Variants in IL1RAPL2 observed in about 807,000 individuals in gnomAD.
IL1RAPL2 encodes interleukin 1 receptor accessory protein like 2.
IL1RAPL2 carries 3 observed loss-of-function variants against 44.1 expected under a neutral mutation model. That is an observed-to-expected ratio of 0.07 (90% confidence interval 0.03 to 0.18). The LOEUF is 0.18. IL1RAPL2 is among the 10% of genes least tolerant of loss of function. IL1RAPL2 has a pLI of 1.00. For missense variants in IL1RAPL2, 391 were observed against 496.4 expected, an observed-to-expected ratio of 0.79 and a Z score of 2.02; for synonymous variants, 181 against 178.8, an observed-to-expected ratio of 1.01 and a Z score of -0.10.
chrX:104,848,848 C>T (rs1922139238), intron 2 of IL1RAPL2, among the ~76,000 whole-genome samples: 1 of 109,758 alleles, frequency 9.1e-6, no homozygotes, highest in Non-Finnish European at 1.9e-5. Context: ...TTTAAGTATT[C>T]AAGAACAAAC....
chrX:105,205,758 T>C (rs2033758542), intron 3 of IL1RAPL2, among the ~76,000 whole-genome samples: 1 of 106,889 alleles, frequency 9.4e-6, no homozygotes, highest in South Asian at 4.3e-4. Context: ...AAAGTTGATT[T>C]TTAAATTAGT....
chrX:104,761,917 C>CTT (rs1932453439), intron 2 of IL1RAPL2, among the ~76,000 whole-genome samples: 1 of 30,836 alleles, frequency 3.2e-5, no homozygotes, highest in Non-Finnish European at 5.1e-5. Flanking sequence ...TTCTCCTTCT[C>CTT]CTTCTCCTTC....
intron 8 of IL1RAPL2, among the ~76,000 whole-genome samples, chrX:105,747,863 T>C (rs1233179949): frequency 9.0e-6 from 1 of 110,804 alleles, no homozygotes; most frequent in Non-Finnish European, 1.9e-5. Context: ...TCCAGTTACA[T>C]GGTAAGCTGA....
intron 2 of IL1RAPL2, among the ~76,000 whole-genome samples, chrX:104,761,754 G>A (rs1434294854): frequency 1.8e-5 from 2 of 110,173 alleles, no homozygotes; most frequent in Non-Finnish European, 3.8e-5. Context: ...AAAATGAAAG[G>A]GGCTATAGGC....
At chrX:105,327,510 A>C (rs757784844) in intron 5 of IL1RAPL2, among the ~76,000 whole-genome samples, 6 of 111,816 alleles carry the variant, frequency 5.4e-5, no homozygotes, top group Non-Finnish European at 1.9e-5. Context: ...TTTCTAGAGG[A>C]AGTAGCCAAG....
intron 2 of IL1RAPL2, among the ~76,000 whole-genome samples, chrX:105,101,708 T>C (rs1470257868): frequency 9.0e-6 from 1 of 111,654 alleles, no homozygotes; most frequent in Non-Finnish European, 1.9e-5. Context: ...TCTGTAGGAA[T>C]GGTGTATCCC....
intron 2 of IL1RAPL2, among the ~76,000 whole-genome samples, chrX:105,137,687 A>G (rs1223239816): frequency 8.9e-6 from 1 of 112,209 alleles, no homozygotes; most frequent in African/African-American, 3.2e-5. Context: ...GTTTTTAACT[A>G]AAGACACCTA....
intron 2 of IL1RAPL2, among the ~76,000 whole-genome samples, chrX:105,194,136 T>C (rs1387365477): frequency 8.9e-6 from 1 of 112,353 alleles, no homozygotes; most frequent in East Asian, 2.8e-4. Flanking sequence ...TGGGTGTCCT[T>C]GAACCCTAGT....
At chrX:104,622,405 A>C (rs1307763709) in intron 1 of IL1RAPL2, among the ~76,000 whole-genome samples, 1 of 111,314 alleles carries the variant, frequency 9.0e-6, no homozygotes, top group African/African-American at 3.3e-5. Flanking sequence ...ATGTGGTTGT[A>C]AATGACTGTC....
chrX:105,512,348 T>C (rs2036476609), intron 6 of IL1RAPL2, among the ~76,000 whole-genome samples: 1 of 111,316 alleles, frequency 9.0e-6, no homozygotes, highest in African/African-American at 3.3e-5. Context: ...GGTGTTTTCC[T>C]GTAGATAGGA....
chrX:105,749,003 C>A lies in IL1RAPL2; in HGVS notation c.1092C>A (p.Ile364=), dbSNP rs988265612. Reference sequence around the variant, plus strand: ...AGCTTGCAGGGGGCCTGGGAGCAATCTTCCTCCTCCTTGTACTGCTGGTGG... The same window carrying A: ...AGCTTGCAGGGGGCCTGGGAGCAATATTCCTCCTCCTTGTACTGCTGGTGG... ...KIELAGGLGA[I]FLLLVLLVVI... Residue 364 remains isoleucine (I), a synonymous_variant, in exon 9 of 11, where the codon ATC becomes ATA. Transcript: ENST00000372582. 3 of 1,206,664 alleles carry A rather than the reference C, an allele frequency of 2.5e-6. No individual in the cohort carries two copies. The highest frequency in any genetic ancestry group is 2.2e-6 in the Non-Finnish European group (2 of 892,445).
chrX:104,597,870 T>G (rs758836714), intron 1 of IL1RAPL2, among the ~76,000 whole-genome samples: 1 of 112,087 alleles, frequency 8.9e-6, no homozygotes, highest in Non-Finnish European at 1.9e-5. Flanking sequence ...AAGTACCTAT[T>G]GAACATCAAA....
intron 5 of IL1RAPL2, among the ~76,000 whole-genome samples, chrX:105,445,795 T>C (rs767134099): frequency 9.0e-6 from 1 of 111,701 alleles, no homozygotes; most frequent in Admixed American, 9.6e-5. Context: ...TTAAGACTTA[T>C]TTTGTGGCCC....
intron 5 of IL1RAPL2, among the ~76,000 whole-genome samples, chrX:105,459,065 G>A (rs1306577696): frequency 2.7e-5 from 3 of 111,728 alleles, no homozygotes; most frequent in South Asian, 3.7e-4. Context: ...TCCTTGTATC[G>A]TTGCAAGCCT....
At chrX:105,384,229 T>A (rs953945242) in intron 5 of IL1RAPL2, among the ~76,000 whole-genome samples, 1 of 111,769 alleles carries the variant, frequency 8.9e-6, no homozygotes, top group African/African-American at 3.3e-5. Context: ...CTTCTAGCAG[T>A]TGTATAGTTT....
chrX:104,973,350 A>G (rs2030271776), intron 2 of IL1RAPL2, among the ~76,000 whole-genome samples: 1 of 111,876 alleles, frequency 8.9e-6, no homozygotes, highest in African/African-American at 3.3e-5. Flanking sequence ...GCACTTAAAA[A>G]CCTTTTAAGC....
intron 5 of IL1RAPL2, among the ~76,000 whole-genome samples, chrX:105,471,566 G>A (rs777784481): frequency 3.7e-5 from 4 of 106,787 alleles, no homozygotes; most frequent in East Asian, 5.8e-4. Context: ...CTTTTCTCAC[G>A]TACTATGCAG....
In IL1RAPL2 at chrX:105,127,951, A is replaced by C. The variant is rs752861742; in HGVS notation, c.83-67524A>C. On this transcript the variant is annotated intron_variant, in intron 2 of 10. Transcript: ENST00000372582. ...AGTTTAATCTCCTAGACTTCATTCC[A>C]TTTAGAAATGTGGGAAATTTTATAA... 7.2e-5 allele frequency among the ~76,000 whole-genome samples: 8 copies of C among 111,274 alleles called. No individual in the cohort carries two copies. In the East Asian group the frequency reaches 2.0e-3, roughly 28 times the overall value.
intron 2 of IL1RAPL2, among the ~76,000 whole-genome samples, chrX:104,912,007 CT>C (rs1924253760): frequency 8.9e-6 from 1 of 111,767 alleles, no homozygotes; most frequent in South Asian, 3.7e-4. Flanking sequence ...TTCTTCCTAC[CT>C]TTTACTCTGT....
Sources: gnomAD v4.1 joint callset for allele counts (sites outside exome capture counted in the v4.1 genomes callset) on GRCh38, gnomAD v4.1.1 for gene constraint, MANE v1.5 for transcripts, NCBI Gene and HGNC (gene_info 2026-07-23, HGNC 2026-07-21) for gene names.